The following VNN2 variants were observed in gnomAD, a reference collection of about 807,000 sequenced individuals.
The protein encoded by VNN2 is vanin 2, also known as pantetheine hydrolase VNN2.
VNN2 carries 43 observed loss-of-function variants against 43.0 expected under a neutral mutation model. That is an observed-to-expected ratio of 1.00 (90% CI 0.78 to 1.29). The LOEUF is 1.29. VNN2 is among the 50% of genes most tolerant of loss of function. The pLI is 0.00. For synonymous variants in VNN2, 230 were observed against 224.3 expected (o/e 1.03, Z -0.23); for missense variants, 652 against 619.7 (o/e 1.05, Z -0.55).
At position 132,755,960 on chromosome 6, in the gene VNN2, C is replaced by A. The variant is rs1266857204; in HGVS notation, c.420G>T (p.Leu140Phe). The A allele has an allele frequency of 6.2e-7, 1 of 1,614,104 alleles. No individual in the cohort carries two copies. The highest frequency in any genetic ancestry group is 1.7e-5 in the Admixed American group (1 of 60,010). The change falls in exon 3 of 7, where the codon TTG (leucine) becomes TTT (phenylalanine). Residue 140 changes from leucine to phenylalanine, a missense_variant. Leu to Phe is a conservative substitution (Grantham distance 22, BLOSUM62 0). Transcript: ENST00000326499. ...KDNSIYVLAN[L>F]GDKKPCNSRD... ...GGGAATTACATGGCTTTTTGTCCCC[C>A]AAATTTGCCAAGACATAGATAGAGT...
intron 3 of VNN2, among the ~76,000 whole-genome samples, chr6:132,754,220 T>C (rs1401600134): frequency 1.3e-5 from 2 of 152,112 alleles, no homozygotes; most frequent in Admixed American, 1.3e-4. Context: ...ATACAAATAA[T>C]GCAAACAATC....
rs1779574813 is a variant in VNN2 at position 132,744,078 on chromosome 6, A to G, written c.*222T>C. On this transcript the variant is annotated 3_prime_UTR_variant, in exon 7 of 7. Coordinates refer to ENST00000326499, the MANE Select transcript of VNN2 (RefSeq NM_004665.6). Reference sequence around the variant, plus strand: ...CTTCATTTATCTGACCCAAACACCCAGGCTCTTTCCATTGTTCCACACTGC... The same window carrying G: ...CTTCATTTATCTGACCCAAACACCCGGGCTCTTTCCATTGTTCCACACTGC... 1 of 377,590 alleles carries G rather than the reference A, an allele frequency of 2.6e-6. No homozygotes were observed. Among genetic ancestry groups the G allele is most frequent in the African/African-American group, 2.1e-5 (1 of 47,032 alleles). The allele number at this position is 377,590 out of a possible 1,614,324, so 23.4% of individuals were successfully genotyped here.
intron 6 of VNN2, among the ~76,000 whole-genome samples, chr6:132,748,214 AC>A (rs1255405491): frequency 3.3e-5 from 5 of 152,114 alleles, no homozygotes; most frequent in African/African-American, 1.2e-4. Flanking sequence ...CAGTCCAGCC[AC>A]CTTTTAGCTA....
At position 132,749,832 on chromosome 6, in the gene VNN2, A is replaced by C. The variant is rs567139324; in HGVS notation, c.1234T>G (p.Leu412Val). 1.9e-6 allele frequency: 3 copies of C among 1,614,080 alleles called. No individual in the cohort carries two copies. The highest frequency in any genetic ancestry group is 2.5e-6 in the Non-Finnish European group (3 of 1,179,972). The change falls in exon 6 of 7, where the codon TTG becomes GTG. Residue 412 changes from leucine (L) to valine (V), a missense_variant. Physicochemically the swap from Leu to Val is conservative, Grantham distance 32. Coordinates refer to ENST00000326499, the MANE Select transcript of VNN2 (RefSeq NM_004665.6). ...CTLLKCKTTN[L>V]TTCGRPVETA... is the part of the protein sequence containing the mutation. ...TCTACTGGCCGTCCACAAGTTGTCA[A>C]ATTAGTAGTTTTGCACTTCAGCAGT...
At chr6:132,761,069 G>A (rs1298257981), upstream of VNN2, among the ~76,000 whole-genome samples, 7 of 152,016 alleles carry the variant, frequency 4.6e-5, no homozygotes, top group South Asian at 2.1e-4. Context: ...TGCTGTAGAG[G>A]TCATTGATAT....
Position 132,751,170 on chromosome 6 carries a change from CCATGT to C in VNN2, c.1170_1174del (p.His391ProfsTer19), listed in dbSNP as rs1269658639. ...CTGCCAGTACTCTCTTCTCCTTCGG[CCATGT>C]AATCCTGTAAAAGCTCCTAGAACGT... On this transcript the variant is annotated frameshift_variant, in exon 5 of 7. Coordinates refer to ENST00000326499, the MANE Select transcript of VNN2 (RefSeq NM_004665.6). LOFTEE classifies it high-confidence loss of function. The C allele has an allele frequency of 4.4e-6, 7 of 1,605,692 alleles. No homozygotes were observed. Among genetic ancestry groups the C allele is most frequent in the Admixed American group, 1.7e-5 (1 of 58,378 alleles).
intron 5 of VNN2, 76 bp from the exon 6 acceptor site, chr6:132,749,941 T>A (rs2114545136): frequency 7.4e-7 from 1 of 1,352,598 alleles, no homozygotes; most frequent in Non-Finnish European, 1.0e-6. Context: ...GCCTTAGTTT[T>A]TAACTACAGC....
At chr6:132,760,302 G>A (rs1160521612), upstream of VNN2, among the ~76,000 whole-genome samples, 1 of 152,154 alleles carries the variant, frequency 6.6e-6, no homozygotes, top group Non-Finnish European at 1.5e-5. Context: ...AGCCTCGCTA[G>A]TAGCTGGAAC....
In VNN2 at chr6:132,752,737, AGTACAGGTG is replaced by A; in HGVS notation, c.541_549del (p.His181_Tyr183del). On this transcript the variant is annotated inframe_deletion, in exon 4 of 7. Coordinates refer to ENST00000326499, the MANE Select transcript of VNN2 (RefSeq NM_004665.6). ...TCAGGGACATTAAACTGAGGCTCAG[AGTACAGGTG>A]GTACTACAACAAATGGATAGGAGAA... The A allele has an allele frequency of 6.2e-7, 1 of 1,613,716 alleles. No individual in the cohort carries two copies. Among genetic ancestry groups the A allele is most frequent in the Non-Finnish European group, 8.5e-7 (1 of 1,179,786 alleles).
chr6:132,749,972 C>T, intron 5 of VNN2, 107 bp from the exon 6 acceptor site: 1 of 1,102,886 alleles, frequency 9.1e-7, no homozygotes, highest in Non-Finnish European at 1.3e-6. Context: ...TTATCTTTCT[C>T]TGAAAAGGGA....
chr6:132,755,793 T>C (rs1456517436), intron 3 of VNN2, 50 bp downstream of exon 3: 5 of 1,531,874 alleles, frequency 3.3e-6, no homozygotes, highest in Non-Finnish European at 8.9e-7. Context: ...AAACCCAGCA[T>C]TGACCACTCA....
At chr6:132,752,140 A>G (rs1780147857) in intron 4 of VNN2, among the ~76,000 whole-genome samples, 2 of 152,234 alleles carry the variant, frequency 1.3e-5, no homozygotes, top group Admixed American at 1.3e-4. Context: ...AGAGGCTTCC[A>G]TGGCCACTGA....
At chr6:132,749,335 A>AT (rs1382872191) in intron 6 of VNN2, among the ~76,000 whole-genome samples, 1 of 152,214 alleles carries the variant, frequency 6.6e-6, no homozygotes, top group Admixed American at 6.5e-5. Context: ...TCCTGGACTC[A>AT]TTCAGCTAAC....
chr6:132,757,933 T>A, upstream of VNN2: 1 of 1,511,660 alleles, frequency 6.6e-7, no homozygotes, highest in African/African-American at 1.4e-5. Context: ...CATGTAGTAT[T>A]TACAGAGGGG....
At position 132,749,686 on chromosome 6, in the gene VNN2, T is replaced by C; in HGVS notation, c.1371+9A>G. ...TAAAATGAAAATACTCTTATAAAAG[T>C]CCTCTTACCTCAAATTTTCCAGGTG... is the stretch of plus-strand genomic sequence containing the variant. On this transcript the variant is annotated intron_variant, in intron 6 of 6. Coordinates refer to ENST00000326499, the MANE Select transcript of VNN2 (RefSeq NM_004665.6). 6.2e-7 allele frequency: 1 copy of C among 1,607,864 alleles called. No individual in the cohort carries two copies. Among genetic ancestry groups the C allele is most frequent in the Admixed American group, 1.7e-5 (1 of 58,846 alleles).
intron 3 of VNN2, among the ~76,000 whole-genome samples, chr6:132,755,245 GT>G (rs1780381134): frequency 6.9e-6 from 1 of 144,358 alleles, no homozygotes; most frequent in Admixed American, 6.9e-5. Context: ...AAAATTATTT[GT>G]TTTATATGTG....
In VNN2 at chr6:132,751,241, A is replaced by G. The variant is rs770271492; in HGVS notation, c.1104T>C (p.His368=). Reference sequence around the variant, plus strand: ...CTTTTTGTAACATTCTGTAGCTTAAATGACAGCAAAGCTCCTTTTGACAGA... The same window carrying G: ...CTTTTTGTAACATTCTGTAGCTTAAGTGACAGCAAAGCTCCTTTTGACAGA... ...LTVCQKELCC[H]LSYRMLQKEE... The change falls in exon 5 of 7, where the codon CAT becomes CAC. Residue 368 remains histidine (H), a synonymous_variant. Coordinates refer to ENST00000326499, the MANE Select transcript of VNN2 (RefSeq NM_004665.6). 2 of 1,614,206 alleles carry G rather than the reference A, an allele frequency of 1.2e-6. No homozygotes were observed. Among genetic ancestry groups the G allele is most frequent in the Non-Finnish European group, 8.5e-7 (1 of 1,180,034 alleles).
chr6:132,759,156 G>A (rs922699480), upstream of VNN2, among the ~76,000 whole-genome samples: 1 of 152,080 alleles, frequency 6.6e-6, no homozygotes, highest in Non-Finnish European at 1.5e-5. Context: ...ATGCTAACAG[G>A]CCAGGTGCAG....
upstream of VNN2, chr6:132,758,039 C>CTT (rs533088096): frequency 3.0e-4 from 49 of 165,008 alleles, no homozygotes; most frequent in South Asian, 8.3e-4. Context: ...TCTTCTTCTT[C>CTT]TTTTTTTTTT....
Sources: allele counts gnomAD v4.1 joint callset (sites outside exome capture counted in the v4.1 genomes callset), GRCh38; gene constraint gnomAD v4.1.1; transcripts MANE v1.5; gene names NCBI Gene and HGNC (gene_info 2026-07-23, HGNC 2026-07-21).